PTPRM: variants seen among roughly 807,000 people sequenced by gnomAD.
PTPRM encodes the protein receptor-type tyrosine-protein phosphatase mu.
In PTPRM, 47 loss-of-function variants were observed where a neutral mutation model predicts 186.7. The ratio of observed to expected loss-of-function variants is 0.25; its 90% CI spans 0.20 to 0.32. The LOEUF (loss-of-function observed/expected upper bound fraction) is 0.32. Among genes scored for constraint, PTPRM ranks in the 10% least tolerant of loss-of-function variants. PTPRM has a pLI of 1.00. For missense variants in PTPRM, 1,494 were observed against 1,865.0 expected, an observed-to-expected ratio of 0.80 and a Z score of 3.66; for synonymous variants, 668 against 674.9, an observed-to-expected ratio of 0.99 and a Z score of 0.16.
chr18:7,644,638 A>G (rs146169206), intron 1 of PTPRM, among the ~76,000 whole-genome samples: 54 of 152,268 alleles, frequency 3.5e-4, no homozygotes, highest in African/African-American at 1.3e-3. Flanking sequence ...TGGAAAGACT[A>G]AAAGTGAGCT....
At chr18:7,998,450 A>C (rs941750596) in intron 7 of PTPRM, among the ~76,000 whole-genome samples, 1 of 152,152 alleles carries the variant, frequency 6.6e-6, no homozygotes, top group Non-Finnish European at 1.5e-5. Flanking sequence ...AAAATATTAC[A>C]TGTACTCCAC....
chr18:8,091,625 T>A (rs991131664), intron 11 of PTPRM, among the ~76,000 whole-genome samples: 1 of 151,722 alleles, frequency 6.6e-6, no homozygotes, highest in Non-Finnish European at 1.5e-5. Context: ...GAATGTTGTC[T>A]TCAAGGGATT....
chr18:7,634,325 A>G (rs371973321), intron 1 of PTPRM, among the ~76,000 whole-genome samples: 1 of 152,258 alleles, frequency 6.6e-6, no homozygotes, highest in East Asian at 1.9e-4. Context: ...GCAGACCTAT[A>G]GAATGAAGTT....
rs553647474 is a variant in PTPRM, at chr18:7,822,703, G to A, written c.196+48432G>A. On this transcript the variant is annotated intron_variant, in intron 2 of 32. Coordinates refer to ENST00000580170, the MANE Select transcript of PTPRM (RefSeq NM_001105244.2). Reference sequence around the variant, plus strand: ...GAATGAATTCTCTCAAGGCCTCTGCGGACCTTGAACTAAACCCACCTAAAT... The same window carrying A: ...GAATGAATTCTCTCAAGGCCTCTGCAGACCTTGAACTAAACCCACCTAAAT... Among the ~76,000 whole-genome samples the A allele has an allele frequency of 6.6e-5, 10 of 152,154 alleles. No individual in the cohort carries two copies. In the South Asian group the frequency reaches 1.5e-3, roughly 22 times the overall value.
chr18:8,082,938 A>G (rs2090216603), intron 9 of PTPRM, among the ~76,000 whole-genome samples: 1 of 151,984 alleles, frequency 6.6e-6, no homozygotes, highest in African/African-American at 2.4e-5. Flanking sequence ...CAAGCCCAAA[A>G]TGGAACCTAT....
chr18:7,603,084 C>T (rs190158946), intron 1 of PTPRM, among the ~76,000 whole-genome samples: 90 of 151,770 alleles, frequency 5.9e-4, no homozygotes, highest in Middle Eastern at 3.4e-3. Flanking sequence ...CCCGCCACCA[C>T]GCCTGGCTAA....
intron 13 of PTPRM, among the ~76,000 whole-genome samples, chr18:8,132,154 T>C (rs2145952200): frequency 6.6e-6 from 1 of 152,332 alleles, no homozygotes; most frequent in East Asian, 1.9e-4. Context: ...GTGTTGTCCT[T>C]ACAGTGATTT....
intron 2 of PTPRM, among the ~76,000 whole-genome samples, chr18:7,874,341 A>C (rs1412992831): frequency 2.0e-5 from 3 of 152,176 alleles, no homozygotes; most frequent in Non-Finnish European, 4.4e-5. Context: ...TGGGGAAAGA[A>C]CGAACTGGGT....
chr18:7,602,709 ATTGTT>A (rs1013608058), intron 1 of PTPRM, among the ~76,000 whole-genome samples: 1 of 151,386 alleles, frequency 6.6e-6, no homozygotes, highest in Non-Finnish European at 1.5e-5. Flanking sequence ...AAATAGGACT[ATTGTT>A]TAGTTAGTCC....
At chr18:8,307,456 C>T (rs760005315) in intron 20 of PTPRM, among the ~76,000 whole-genome samples, 9 of 152,162 alleles carry the variant, frequency 5.9e-5, no homozygotes, top group Admixed American at 1.3e-4. Flanking sequence ...TATTTTATCA[C>T]TAAAACAAAA....
At chr18:8,157,629 G>A (rs1270174488) in intron 14 of PTPRM, among the ~76,000 whole-genome samples, 1 of 152,206 alleles carries the variant, frequency 6.6e-6, no homozygotes, top group Non-Finnish European at 1.5e-5. Context: ...GCCATGCTCA[G>A]CCACTAGTAT....
intron 1 of PTPRM, among the ~76,000 whole-genome samples, chr18:7,624,998 T>C (rs2038026508): frequency 6.6e-6 from 1 of 152,190 alleles, no homozygotes; most frequent in Non-Finnish European, 1.5e-5. Context: ...GTTCCTCCAT[T>C]AGCTACTATT....
intron 7 of PTPRM, among the ~76,000 whole-genome samples, chr18:8,032,825 C>A (rs532487498): frequency 6.6e-6 from 1 of 151,928 alleles, no homozygotes; most frequent in Non-Finnish European, 1.5e-5. Context: ...TGGTTTGGGG[C>A]AGCAGAGTTA....
intron 14 of PTPRM, among the ~76,000 whole-genome samples, chr18:8,240,462 A>AGAGGAAGG (rs2094402963): frequency 1.6e-5 from 1 of 62,012 alleles, no homozygotes; most frequent in African/African-American, 8.0e-5. Context: ...AGAGAGAGAG[A>AGAGGAAGG]GAGGGAGGGA....
chr18:7,706,389 G>A (rs956622284), intron 1 of PTPRM, among the ~76,000 whole-genome samples: 1 of 151,752 alleles, frequency 6.6e-6, no homozygotes, highest in East Asian at 1.9e-4. Context: ...TTGAGCCTGA[G>A]AGTTTGACAC....
rs545061045 is a variant in PTPRM at position 7,781,513 on chromosome 18, C to T, written c.196+7242C>T. 8.6e-5 allele frequency among the ~76,000 whole-genome samples: 13 copies of T among 150,646 alleles called. No homozygotes were observed. In the East Asian group the frequency reaches 9.9e-4, roughly 11 times the overall value. On this transcript the variant is annotated intron_variant, in intron 2 of 32. Transcript: ENST00000580170. The stretch of plus-strand genomic sequence containing the variant: ...GTAGATTTGTTAAATGGGTAAATTA[C>T]GTGTTGCTGAGGCTTGGTATACAAA...
chr18:8,293,634 A>G (rs1255682910), intron 19 of PTPRM, among the ~76,000 whole-genome samples: 1 of 152,198 alleles, frequency 6.6e-6, no homozygotes, highest in Non-Finnish European at 1.5e-5. Context: ...AAATTTTTGG[A>G]AGTCAAATAG....
chr18:8,109,974 G>A (rs2091687627), intron 11 of PTPRM, among the ~76,000 whole-genome samples: 1 of 152,014 alleles, frequency 6.6e-6, no homozygotes, highest in Admixed American at 6.6e-5. Context: ...TTTCTCTTTG[G>A]CTCTTGAGTA....
intron 14 of PTPRM, among the ~76,000 whole-genome samples, chr18:8,192,932 A>C (rs2093728187): frequency 6.6e-6 from 1 of 152,206 alleles, no homozygotes; most frequent in African/African-American, 2.4e-5. Flanking sequence ...GCCAGTAGTG[A>C]TACAGCTTCA....
Sources: gnomAD v4.1 joint callset for allele counts (sites outside exome capture counted in the v4.1 genomes callset) on GRCh38, gnomAD v4.1.1 for gene constraint, MANE v1.5 for transcripts, NCBI Gene and HGNC (gene_info 2026-07-23, HGNC 2026-07-21) for gene names.